Variants in TRIO observed in about 807,000 individuals in gnomAD.
TRIO encodes trio Rho guanine nucleotide exchange factor.
TRIO carries 58 observed loss-of-function variants against 351.9 expected under a neutral mutation model. That is an observed-to-expected ratio of 0.16 (90% CI 0.13 to 0.21). The LOEUF is 0.21. TRIO is among the 10% of genes least tolerant of loss of function. The pLI is 1.00. For synonymous variants in TRIO, 1,758 were observed against 1,595.7 expected, an observed-to-expected ratio of 1.10 and a Z score of -2.42; for missense variants, 3,201 against 4,027.8, an observed-to-expected ratio of 0.79 and a Z score of 5.56.
At position 14,492,809 on chromosome 5, in the gene TRIO, T is replaced by C; in HGVS notation, c.7875T>C (p.Thr2625=). 6.2e-7 allele frequency: 1 copy of C among 1,613,472 alleles called. No individual in the cohort carries two copies. The highest frequency in any genetic ancestry group is 1.7e-5 in the Admixed American group (1 of 60,002). Residue 2625 remains threonine, a synonymous_variant, in exon 49 of 57, where the codon ACT becomes ACC. Transcript: ENST00000344204. The part of the protein sequence containing the change: ...SAVIVENPDG[T]LKKSTSWHTA... ...TCATCGTGGAGAACCCGGACGGGACTCTCAAGTGAGTGCTTGACAGTAACG... is the reference window on the plus strand; with the variant it reads ...TCATCGTGGAGAACCCGGACGGGACCCTCAAGTGAGTGCTTGACAGTAACG...
chr5:14,415,552 G>A (rs557109038), intron 33 of TRIO, among the ~76,000 whole-genome samples: 45 of 152,164 alleles, frequency 3.0e-4, no homozygotes, highest in Non-Finnish European at 6.3e-4. Context: ...AACTGCGTTC[G>A]TGCAAGACAG....
chr5:14,445,521 C>T (rs1165621282), intron 34 of TRIO, among the ~76,000 whole-genome samples: 1 of 152,180 alleles, frequency 6.6e-6, no homozygotes, highest in Admixed American at 6.5e-5. Flanking sequence ...AAGAAACCAT[C>T]TCAATCATAT....
intron 10 of TRIO, among the ~76,000 whole-genome samples, chr5:14,334,676 A>G (rs1423338774): frequency 6.6e-6 from 1 of 152,206 alleles, no homozygotes; most frequent in Non-Finnish European, 1.5e-5. Context: ...CGTTAGCTTC[A>G]TTCAGCATGG....
chr5:14,147,617 C>G (rs1787593463), intron 1 of TRIO, among the ~76,000 whole-genome samples: 1 of 152,218 alleles, frequency 6.6e-6, no homozygotes, highest in Middle Eastern at 3.2e-3. Flanking sequence ...TCTTACTCGA[C>G]TCCTCCTGCA....
At chr5:14,485,007 A>G (rs998625713) in intron 46 of TRIO, 62 bp from the exon 47 acceptor site, 2 of 1,456,984 alleles carry the variant, frequency 1.4e-6, no homozygotes, top group African/African-American at 2.8e-5. Flanking sequence ...CGGTCAGTGG[A>G]CACATGGTTT....
rs373059316 is a variant in TRIO, at chr5:14,408,483, A to G, written c.4959+1811A>G. On this transcript the variant is annotated intron_variant, in intron 33 of 56. Coordinates refer to ENST00000344204, the MANE Select transcript of TRIO (RefSeq NM_007118.4). ...ATTCAGCAAATATTTCTTGGCATGT[A>G]GTAAAAAGAAATAAGATAAATGACA... 7.9e-5 allele frequency among the ~76,000 whole-genome samples: 12 copies of G among 152,222 alleles called. No homozygotes were observed. In the East Asian group the frequency reaches 1.3e-3, roughly 17 times the overall value.
intron 1 of TRIO, among the ~76,000 whole-genome samples, chr5:14,160,527 C>G (rs943432503): frequency 3.9e-5 from 6 of 152,164 alleles, no homozygotes; most frequent in Admixed American, 6.5e-5. Context: ...CCAGTGGGAG[C>G]TGATAGTCTA....
chr5:14,413,835 A>T (rs1299080771), intron 33 of TRIO, among the ~76,000 whole-genome samples: 1 of 152,226 alleles, frequency 6.6e-6, no homozygotes, highest in African/African-American at 2.4e-5. Flanking sequence ...GATCGAAGTT[A>T]CAGTTGGAGA....
Position 14,363,719 on chromosome 5 carries a change from T to C in TRIO, c.2392-13T>C. The C allele has an allele frequency of 4.4e-6, 7 of 1,608,670 alleles. No individual in the cohort carries two copies. Among genetic ancestry groups the C allele is most frequent in the Non-Finnish European group, 6.0e-6 (7 of 1,175,972 alleles). ...ATATTTTTTTTGTCTTGATCTTAAA[T>C]ACCTTCTTTCAGATTATCTCAGACC... On this transcript the variant is annotated splice_polypyrimidine_tract_variant and intron_variant, in intron 13 of 56. Coordinates refer to ENST00000344204, the MANE Select transcript of TRIO (RefSeq NM_007118.4).
intron 1 of TRIO, among the ~76,000 whole-genome samples, chr5:14,185,594 C>T (rs901906442): frequency 2.0e-5 from 3 of 152,268 alleles, no homozygotes; most frequent in Middle Eastern, 3.4e-3. Flanking sequence ...TGGGGCAGCT[C>T]TTCTCAGGCC....
chr5:14,247,797 G>A (rs1794520593), intron 1 of TRIO, among the ~76,000 whole-genome samples: 1 of 152,184 alleles, frequency 6.6e-6, no homozygotes, highest in Non-Finnish European at 1.5e-5. Context: ...GCAGGGCACG[G>A]TGGCTCACAG....
At chr5:14,452,324 T>C (rs892642727) in intron 34 of TRIO, among the ~76,000 whole-genome samples, 58 of 152,358 alleles carry the variant, frequency 3.8e-4, no homozygotes, top group African/African-American at 1.3e-3. Flanking sequence ...GTGTGAGTAT[T>C]CCCTCATACT....
intron 1 of TRIO, among the ~76,000 whole-genome samples, chr5:14,250,020 G>C (rs1022756627): frequency 1.3e-5 from 2 of 152,230 alleles, no homozygotes; most frequent in Non-Finnish European, 2.9e-5. Context: ...ATAAGAATTT[G>C]TTAGAGAAGT....
intron 55 of TRIO, 35 bp from the exon 56 acceptor site, chr5:14,507,087 C>G: frequency 6.5e-7 from 1 of 1,539,766 alleles, no homozygotes; most frequent in Non-Finnish European, 8.7e-7. Flanking sequence ...CAAAGCAAAT[C>G]GCATCATAAC....
intron 9 of TRIO, among the ~76,000 whole-genome samples, chr5:14,326,398 G>C (rs541093390): frequency 6.6e-6 from 1 of 152,352 alleles, no homozygotes; most frequent in South Asian, 2.1e-4. Flanking sequence ...GGTGCTGAGC[G>C]ATGGTAGCTG....
At chr5:14,239,483 C>T (rs1793997230) in intron 1 of TRIO, among the ~76,000 whole-genome samples, 1 of 152,142 alleles carries the variant, frequency 6.6e-6, no homozygotes, top group Non-Finnish European at 1.5e-5. Context: ...CTCACAAACC[C>T]CTAGAGGTGT....
chr5:14,353,141 A>G (rs771952403), intron 11 of TRIO, among the ~76,000 whole-genome samples: 2 of 152,200 alleles, frequency 1.3e-5, no homozygotes, highest in Non-Finnish European at 2.9e-5. Context: ...TATCTAGAGA[A>G]GGAAGATTTT....
At chr5:14,264,548 A>G (rs1451116071) in intron 1 of TRIO, among the ~76,000 whole-genome samples, 2 of 151,892 alleles carry the variant, frequency 1.3e-5, no homozygotes, top group Non-Finnish European at 2.9e-5. Context: ...TAAGCATTGT[A>G]TTATGTTTTG....
intron 34 of TRIO, among the ~76,000 whole-genome samples, chr5:14,423,784 G>C (rs1750381987): frequency 6.6e-6 from 1 of 152,096 alleles, no homozygotes; most frequent in South Asian, 2.1e-4. Context: ...TTCATACCCT[G>C]TCCTGGGGAG....
Sources: allele counts gnomAD v4.1 joint callset (sites outside exome capture counted in the v4.1 genomes callset), GRCh38; gene constraint gnomAD v4.1.1; transcripts MANE v1.5; gene names NCBI Gene and HGNC (gene_info 2026-07-23, HGNC 2026-07-21).